The following ZNF791 variants were observed in gnomAD, a reference collection of about 807,000 sequenced individuals.
The protein encoded by ZNF791 is zinc finger protein 791.
A neutral mutation model predicts 11.5 loss-of-function variants in ZNF791; 4 were observed. The ratio of observed to expected loss-of-function variants is 0.35; its 90% CI spans 0.17 to 0.80. The LOEUF (loss-of-function observed/expected upper bound fraction) is 0.80. Ranked by LOEUF, ZNF791 falls within the 30% of genes least tolerant of loss-of-function variation. ZNF791 has a pLI of 0.53. For synonymous variants in ZNF791, 212 were observed against 228.1 expected (o/e 0.93, Z 0.64); for missense variants, 559 against 699.4 (o/e 0.80, Z 2.26).
At position 12,628,411 on chromosome 19, in the gene ZNF791, C is replaced by T. The variant is rs1198451106; in HGVS notation, c.882C>T (p.His294=). The T allele has an allele frequency of 1.2e-6, 2 of 1,607,808 alleles. No individual in the cohort carries two copies. Among genetic ancestry groups the T allele is most frequent in the East Asian group, 2.2e-5 (1 of 44,814 alleles). The change falls in exon 4 of 4, where the codon CAC becomes CAT. Residue 294 remains histidine, a synonymous_variant. Transcript: ENST00000343325. ...PSFLRVHERI[H]TGEKPYKCKQ... ...TTTTACGAGTACATGAAAGAATTCA[C>T]ACTGGAGAGAAACCCTATAAATGTA...
intron 3 of ZNF791, among the ~76,000 whole-genome samples, chr19:12,627,230 A>C (rs1231363240): frequency 6.6e-6 from 1 of 151,966 alleles, no homozygotes; most frequent in Non-Finnish European, 1.5e-5. Flanking sequence ...TACTGTTTTG[A>C]TAATAGCTAT....
At position 12,628,391 on chromosome 19, in the gene ZNF791, C is replaced by T. The variant is rs2023458364; in HGVS notation, c.862C>T (p.Arg288Ter). ...GKAFIFPSFLRVHERIHTGEK... is the reference protein window; with the variant it reads ...GKAFIFPSFL ...GGCATTCATTTTTCCCAGTTTTTTA[C>T]GAGTACATGAAAGAATTCACACTGG... is the stretch of plus-strand genomic sequence containing the variant. Residue 288 changes from arginine (R) to a stop codon, truncating the protein, a stop_gained, in exon 4 of 4, where the codon CGA becomes TGA. Coordinates refer to ENST00000343325, the MANE Select transcript of ZNF791 (RefSeq NM_153358.3). LOFTEE classifies it low-confidence loss of function (END_TRUNC). The T allele has an allele frequency of 6.8e-6, 11 of 1,607,430 alleles. No homozygotes were observed. Among genetic ancestry groups the T allele is most frequent in the South Asian group, 2.2e-5 (2 of 90,140 alleles).
chr19:12,620,278 C>T (rs987432930), intron 1 of ZNF791, among the ~76,000 whole-genome samples: 1 of 152,026 alleles, frequency 6.6e-6, no homozygotes, highest in Non-Finnish European at 1.5e-5. Flanking sequence ...CAGGCTCAAG[C>T]AATCCTCCCA....
chr19:12,632,601 G>T lies in ZNF791; in HGVS notation c.*3341G>T, dbSNP rs2023513478. 2 of 152,008 alleles carry T rather than the reference G, an allele frequency of 1.3e-5. No individual in the cohort carries two copies. The highest frequency in any genetic ancestry group is 6.6e-5 in the Admixed American group (1 of 15,226). The allele number at this position is 152,008 out of a possible 1,614,324, so 9.4% of individuals were successfully genotyped here. A position where few individuals can be genotyped will look rare whatever the true frequency, so the allele number is the denominator to read the frequency against. ...GTTCGAGACCAACCTGGCCAACATGGTGAAATCCCATCTCTACTAAAAATA... is the reference window on the plus strand; with the variant it reads ...GTTCGAGACCAACCTGGCCAACATGTTGAAATCCCATCTCTACTAAAAATA... On this transcript the variant is annotated 3_prime_UTR_variant, in exon 4 of 4. Coordinates refer to ENST00000343325, the MANE Select transcript of ZNF791 (RefSeq NM_153358.3).
chr19:12,624,816 G>C (rs2023403084), intron 3 of ZNF791, 106 bp downstream of exon 3: 3 of 689,004 alleles, frequency 4.4e-6, no homozygotes, highest in Non-Finnish European at 4.6e-6. Flanking sequence ...TTGAGAGGCT[G>C]AGGTGGGTGG....
chr19:12,611,122 T>C (rs772779776), intron 1 of ZNF791, 40 bp downstream of exon 1: 5 of 1,612,682 alleles, frequency 3.1e-6, no homozygotes, highest in Non-Finnish European at 4.2e-6. Context: ...CCGGCCGTGA[T>C]CGCGGGACCC....
In ZNF791 at chr19:12,629,537, TTAAG is replaced by T; in HGVS notation, c.*279_*282del. 4.1e-6 allele frequency: 1 copy of T among 241,116 alleles called. No homozygotes were observed. The highest frequency in any genetic ancestry group is 7.9e-6 in the Non-Finnish European group (1 of 125,826). 14.9% of individuals were successfully genotyped at this position (241,116 alleles called of 1,614,324 possible). A position where few individuals can be genotyped will look rare whatever the true frequency, so the allele number is the denominator to read the frequency against. On this transcript the variant is annotated 3_prime_UTR_variant, in exon 4 of 4. Coordinates refer to ENST00000343325, the MANE Select transcript of ZNF791 (RefSeq NM_153358.3). ...GTAACACCATAGTGCAGCACATTATTTAAGTGTTTATGGTGCTGGTGTAAACGTG... is the reference window on the plus strand; with the variant it reads ...GTAACACCATAGTGCAGCACATTATTTGTTTATGGTGCTGGTGTAAACGTG...
rs373425012 is a variant in ZNF791 at position 12,610,988 on chromosome 19, C to T, written c.-92C>T. 1.9e-6 allele frequency: 3 copies of T among 1,561,386 alleles called. No homozygotes were observed. Among genetic ancestry groups the T allele is most frequent in the Admixed American group, 3.4e-5 (2 of 59,436 alleles). On this transcript the variant is annotated 5_prime_UTR_variant, in exon 1 of 4. The change creates a premature stop within an existing upstream ORF in the 5' untranslated region. Coordinates refer to ENST00000343325, the MANE Select transcript of ZNF791 (RefSeq NM_153358.3). ...GGGGTCTCCTGGCCCCTTGACGCGT[C>T]AGGTTGCTGTACCCCTGCATCGGAT...
chr19:12,628,139 C>T lies in ZNF791; in HGVS notation c.610C>T (p.Arg204Ter). 4.3e-6 allele frequency: 7 copies of T among 1,614,140 alleles called. No individual in the cohort carries two copies. Among genetic ancestry groups the T allele is most frequent in the Non-Finnish European group, 5.9e-6 (7 of 1,180,016 alleles). Residue 204 changes from arginine to a stop codon, truncating the protein, a stop_gained, in exon 4 of 4, where the codon CGA becomes TGA. Transcript: ENST00000343325. LOFTEE classifies it low-confidence loss of function (END_TRUNC). Reference protein sequence around the residue: ...GKALSCSSSLRVHERIHTGEK... With the variant: ...GKALSCSSSL Reference sequence around the variant, plus strand: ...AGCTCTTAGTTGTTCCAGTTCGCTTCGAGTTCATGAAAGGATTCACACTGG... The same window carrying T: ...AGCTCTTAGTTGTTCCAGTTCGCTTTGAGTTCATGAAAGGATTCACACTGG...
At chr19:12,624,078 A>G (rs1459093847) in intron 2 of ZNF791, among the ~76,000 whole-genome samples, 1 of 143,974 alleles carries the variant, frequency 6.9e-6, no homozygotes, top group Admixed American at 7.0e-5. Context: ...CTGGTCTTGA[A>G]CTCCTGACCA....
chr19:12,623,848 CTTTTTTCTTTTT>C, intron 2 of ZNF791, 22 bp downstream of exon 2: 6 of 798,918 alleles, frequency 7.5e-6, no homozygotes, highest in South Asian at 2.7e-5. Context: ...ATCATTTTTT[CTTTTTTCTTTTT>C]TTTTTTTTTT....
Position 12,624,706 on chromosome 19 carries a change from C to G in ZNF791, c.187C>G (p.Leu63Val). 6.2e-7 allele frequency: 1 copy of G among 1,605,942 alleles called. No homozygotes were observed. Reference sequence around the variant, plus strand: ...TCAACACAAAAACCAAGGACGAAATCTAAGGTGAGTTGCACTCACAAGAAG... The same window carrying G: ...TCAACACAAAAACCAAGGACGAAATGTAAGGTGAGTTGCACTCACAAGAAG... The part of the protein sequence containing the change: ...EDQHKNQGRN[L>V]RSHTGERLCE... Residue 63 changes from leucine (L) to valine (V), a missense_variant, in exon 3 of 4, where the codon CTA becomes GTA. Physicochemically the swap from Leu to Val is conservative, Grantham distance 32. Coordinates refer to ENST00000343325, the MANE Select transcript of ZNF791 (RefSeq NM_153358.3).
intron 1 of ZNF791, among the ~76,000 whole-genome samples, chr19:12,617,609 C>G (rs1254387931): frequency 6.6e-6 from 1 of 151,684 alleles, no homozygotes; most frequent in African/African-American, 2.4e-5. Flanking sequence ...TGTTTTTGTC[C>G]ACAACATGGT....
Position 12,628,951 on chromosome 19 carries a change from A to T in ZNF791, c.1422A>T (p.Gly474=). The T allele has an allele frequency of 6.2e-7, 1 of 1,613,876 alleles. No individual in the cohort carries two copies. The change falls in exon 4 of 4, where the codon GGA becomes GGT. Residue 474 remains glycine (G), a synonymous_variant. Coordinates refer to ENST00000343325, the MANE Select transcript of ZNF791 (RefSeq NM_153358.3). ...GEKPYECKQC[G]KAFSCSSYIR... ...AACCCTATGAATGTAAACAATGTGG[A>T]AAAGCCTTTAGTTGTTCTAGTTACA...
Position 12,610,969 on chromosome 19 carries a change from T to A in ZNF791, c.-111T>A. The A allele has an allele frequency of 6.9e-7, 1 of 1,451,200 alleles. No homozygotes were observed. Among genetic ancestry groups the A allele is most frequent in the African/African-American group, 1.4e-5 (1 of 72,094 alleles). 89.9% of individuals were successfully genotyped at this position (1,451,200 alleles called of 1,614,324 possible). On this transcript the variant is annotated 5_prime_UTR_variant, in exon 1 of 4. Coordinates refer to ENST00000343325, the MANE Select transcript of ZNF791 (RefSeq NM_153358.3). Reference sequence around the variant, plus strand: ...ATCGGGTTGTGCTTAGCTTGGGGTCTCCTGGCCCCTTGACGCGTCAGGTTG... The same window carrying A: ...ATCGGGTTGTGCTTAGCTTGGGGTCACCTGGCCCCTTGACGCGTCAGGTTG...
In ZNF791 at chr19:12,624,718, G is replaced by A; in HGVS notation, c.191+8G>A. ...CCAAGGACGAAATCTAAGGTGAGTT[G>A]CACTCACAAGAAGTAACAGTGTTCC... On this transcript the variant is annotated splice_region_variant and intron_variant, in intron 3 of 3. Transcript: ENST00000343325. 3 of 1,599,412 alleles carry A rather than the reference G, an allele frequency of 1.9e-6. No homozygotes were observed. The highest frequency in any genetic ancestry group is 4.5e-5 in the East Asian group (2 of 44,360).
intron 1 of ZNF791, among the ~76,000 whole-genome samples, chr19:12,613,180 G>A (rs1312730887): frequency 1.3e-5 from 2 of 148,510 alleles, no homozygotes; most frequent in African/African-American, 2.5e-5. Flanking sequence ...GTCCGGTCTC[G>A]AACTCCGGAC....
intron 1 of ZNF791, among the ~76,000 whole-genome samples, chr19:12,621,746 C>G (rs1256886347): frequency 1.6e-5 from 2 of 123,686 alleles, no homozygotes; most frequent in South Asian, 4.8e-4. Context: ...CCCGGCCAGC[C>G]GCCCCGTCCG....
At position 12,628,384 on chromosome 19, in the gene ZNF791, T is replaced by G; in HGVS notation, c.855T>G (p.Ser285Arg). Residue 285 changes from serine (S) to arginine (R), a missense_variant, in exon 4 of 4, where the codon AGT (serine) becomes AGG (arginine). Physicochemically the swap from Ser to Arg is moderately radical, Grantham distance 110 (BLOSUM62 -1). Transcript: ENST00000343325. ...GTGGAAAGGCATTCATTTTTCCCAG[T>G]TTTTTACGAGTACATGAAAGAATTC... Reference protein sequence around the residue: ...KECGKAFIFPSFLRVHERIHT... With the variant: ...KECGKAFIFPRFLRVHERIHT... The G allele has an allele frequency of 1.2e-6, 2 of 1,607,856 alleles. No individual in the cohort carries two copies. The highest frequency in any genetic ancestry group is 8.5e-7 in the Non-Finnish European group (1 of 1,176,918).
Sources: allele counts gnomAD v4.1 joint callset (sites outside exome capture counted in the v4.1 genomes callset), GRCh38; gene constraint gnomAD v4.1.1; transcripts MANE v1.5; gene names NCBI Gene and HGNC (gene_info 2026-07-23, HGNC 2026-07-21).